Variants in PELI1 observed in about 807,000 individuals in gnomAD.
The protein encoded by PELI1 is E3 ubiquitin-protein ligase pellino homolog 1.
A neutral mutation model predicts 41.3 loss-of-function variants in PELI1; 15 were observed. The ratio of observed to expected loss-of-function variants is 0.36; its 90% CI spans 0.24 to 0.56. The LOEUF (loss-of-function observed/expected upper bound fraction) is 0.56, where lower values mean the gene tolerates loss of function less well. Ranked by LOEUF, PELI1 falls within the 20% of genes least tolerant of loss-of-function variation. The pLI is 0.82. For synonymous variants in PELI1, 178 were observed against 180.1 expected, an observed-to-expected ratio of 0.99 and a Z score of 0.09; for missense variants, 403 against 525.5, an observed-to-expected ratio of 0.77 and a Z score of 2.28.
At chr2:64,110,689 G>T (rs1227508742) in intron 1 of PELI1, among the ~76,000 whole-genome samples, 10 of 152,050 alleles carry the variant, frequency 6.6e-5, no homozygotes, top group Admixed American at 5.9e-4. Flanking sequence ...AGTTCAGAAA[G>T]GCCAAGGTGG....
In PELI1 at chr2:64,094,314, C is replaced by T. The variant is rs1021364850; in HGVS notation, c.*388G>A. ...AATAGAAAAAAGTTAATATACATGT[C>T]GCTGTATTTTACAATGTTTGCAACA... On this transcript the variant is annotated 3_prime_UTR_variant, in exon 7 of 7. Transcript: ENST00000358912. 6 of 166,428 alleles carry T rather than the reference C, an allele frequency of 3.6e-5. No homozygotes were observed. The highest frequency in any genetic ancestry group is 5.8e-5 in the Admixed American group (1 of 17,300). The allele number at this position is 166,428 out of a possible 1,614,324, so 10.3% of individuals were successfully genotyped here. A position where few individuals can be genotyped will look rare whatever the true frequency, so the allele number is the denominator to read the frequency against.
At chr2:64,124,500 G>C (rs1681325904) in intron 1 of PELI1, among the ~76,000 whole-genome samples, 1 of 152,058 alleles carries the variant, frequency 6.6e-6, no homozygotes, top group Non-Finnish European at 1.5e-5. Context: ...CCTACTTCTT[G>C]GCCAGAGAAA....
chr2:64,122,115 C>CA (rs1376873343), intron 1 of PELI1, among the ~76,000 whole-genome samples: 2 of 151,556 alleles, frequency 1.3e-5, no homozygotes, highest in Admixed American at 6.6e-5. Flanking sequence ...CAGTCAAATA[C>CA]AAAAACAAAA....
chr2:64,104,722 A>T lies in PELI1; in HGVS notation c.180T>A (p.Ala60=), dbSNP rs748280058. Residue 60 remains alanine (A), a synonymous_variant, in exon 3 of 7, where the codon GCT becomes GCA. Coordinates refer to ENST00000358912, the MANE Select transcript of PELI1 (RefSeq NM_020651.4). ...TTACCTTTGCAGCCTGAGGAGTACA[A>T]GCAATATGCACAGTGCTGGGCTTCA... ...NGVKPSTVHI[A]CTPQAAKAIS... is the part of the protein sequence containing the mutation. The T allele has an allele frequency of 3.1e-6, 5 of 1,604,994 alleles. No individual in the cohort carries two copies. The highest frequency in any genetic ancestry group is 4.2e-6 in the Non-Finnish European group (5 of 1,176,700).
At chr2:64,102,298 A>G (rs1680467827) in intron 3 of PELI1, among the ~76,000 whole-genome samples, 1 of 152,128 alleles carries the variant, frequency 6.6e-6, no homozygotes, top group South Asian at 2.1e-4. Flanking sequence ...TATATACTAT[A>G]TAATTGTTTT....
At chr2:64,099,228 A>G (rs1680344346) in intron 4 of PELI1, among the ~76,000 whole-genome samples, 1 of 151,996 alleles carries the variant, frequency 6.6e-6, no homozygotes, top group African/African-American at 2.4e-5. Flanking sequence ...ATTTTATTAA[A>G]GAGACGAAGT....
At chr2:64,135,710 T>C (rs146597751) in intron 1 of PELI1, among the ~76,000 whole-genome samples, 2 of 152,312 alleles carry the variant, frequency 1.3e-5, no homozygotes, top group Non-Finnish European at 2.9e-5. Context: ...GCTTAATAGA[T>C]TGAATTTTCA....
chr2:64,131,665 G>A (rs1180780671), intron 1 of PELI1, among the ~76,000 whole-genome samples: 1 of 151,564 alleles, frequency 6.6e-6, no homozygotes, highest in African/African-American at 2.4e-5. Context: ...CCATTGCCCA[G>A]GCTAGAGTGC....
intron 1 of PELI1, among the ~76,000 whole-genome samples, chr2:64,119,277 A>T (rs568440722): frequency 1.3e-5 from 2 of 152,360 alleles, no homozygotes; most frequent in Admixed American, 6.5e-5. Flanking sequence ...TAAATAGAAA[A>T]GATCTGATGA....
chr2:64,096,240 T>C lies in PELI1; in HGVS notation c.575A>G (p.His192Arg), dbSNP rs781241129. The change falls in exon 6 of 7, where the codon CAT (histidine) becomes CGT (arginine). Residue 192 changes from histidine to arginine, a missense_variant. His to Arg is a conservative substitution (Grantham distance 29). Transcript: ENST00000358912. ...GLTTNGVLVM[H>R]PRNGFTEDSK... ...GTCTTCTGTGAACCCATTGCGTGGA[T>C]GCATCACAAGAACACCATTAGTGGT... is the stretch of plus-strand genomic sequence containing the variant. 5 of 1,613,736 alleles carry C rather than the reference T, an allele frequency of 3.1e-6. No homozygotes were observed. The Admixed American group carries it at 8.3e-5, about 27-fold the overall frequency.
intron 1 of PELI1, among the ~76,000 whole-genome samples, chr2:64,136,836 G>A (rs1229291979): frequency 2.0e-5 from 3 of 152,206 alleles, no homozygotes; most frequent in African/African-American, 7.2e-5. Context: ...TCAGGAGGTG[G>A]AGGTTGCAGT....
At chr2:64,139,012 ATT>A (rs1363919719) in intron 1 of PELI1, among the ~76,000 whole-genome samples, 1 of 152,222 alleles carries the variant, frequency 6.6e-6, no homozygotes, top group Non-Finnish European at 1.5e-5. Context: ...CACACATCAC[ATT>A]TTAAGTTGTA....
chr2:64,116,006 T>C (rs892796589), intron 1 of PELI1, among the ~76,000 whole-genome samples: 1 of 152,170 alleles, frequency 6.6e-6, no homozygotes, highest in Admixed American at 6.5e-5. Context: ...TGTGTGCTTA[T>C]TTTAAAAATG....
chr2:64,121,901 G>A (rs1463109874), intron 1 of PELI1, among the ~76,000 whole-genome samples: 2 of 136,390 alleles, frequency 1.5e-5, no homozygotes, highest in African/African-American at 5.5e-5. Flanking sequence ...GCAAAACTCC[G>A]TCTTCAAAAA....
At chr2:64,101,752 T>A (rs970914801) in intron 3 of PELI1, among the ~76,000 whole-genome samples, 1 of 151,928 alleles carries the variant, frequency 6.6e-6, no homozygotes, top group East Asian at 1.9e-4. Context: ...AAATACCCTA[T>A]TTCCAAATAT....
chr2:64,104,985 T>C (rs1038663540), intron 2 of PELI1, among the ~76,000 whole-genome samples, 155 bp from the exon 3 acceptor site: 3 of 152,240 alleles, frequency 2.0e-5, no homozygotes, highest in Non-Finnish European at 2.9e-5. Flanking sequence ...TTGATCTCCA[T>C]ACCAGGTGCC....
Position 64,094,967 on chromosome 2 carries a change from C to A in PELI1, c.992G>T (p.Arg331Leu). 6.2e-7 allele frequency: 1 copy of A among 1,614,208 alleles called. No homozygotes were observed. Among genetic ancestry groups the A allele is most frequent in the Non-Finnish European group, 8.5e-7 (1 of 1,180,030 alleles). Reference protein sequence around the residue: ...GNKEERDGKDRECPMCRSVGP... With the variant: ...GNKEERDGKDLECPMCRSVGP... ...AACAGACCTACACATAGGACATTCA[C>A]GATCTTTTCCATCACGTTCTTCTTT... Residue 331 changes from arginine (R) to leucine (L), a missense_variant, in exon 7 of 7, where the codon CGT (arginine) becomes CTT (leucine). By Grantham distance (102) the Arg-to-Leu change is moderately radical (BLOSUM62 -2). Transcript: ENST00000358912.
chr2:64,095,539 G>T lies in PELI1; in HGVS notation c.691-271C>A, dbSNP rs144635669. The stretch of plus-strand genomic sequence containing the variant: ...TCAATAAGTCTAATATTTTTAATGA[G>T]GTAAATATGGTTTAAGATATACAGA... On this transcript the variant is annotated intron_variant, in intron 6 of 6. Transcript: ENST00000358912. Among the ~76,000 whole-genome samples the T allele has an allele frequency of 4.9e-4, 75 of 152,242 alleles. 1 individual carries two copies. The East Asian group carries it at 0.012, about 25-fold the overall frequency.
chr2:64,099,881 A>C, intron 4 of PELI1, among the ~76,000 whole-genome samples: 1 of 152,232 alleles, frequency 6.6e-6, no homozygotes, highest in East Asian at 1.9e-4. Flanking sequence ...CATGAGTAGC[A>C]TTGACCAAAT....
Sources: allele counts gnomAD v4.1 joint callset (sites outside exome capture counted in the v4.1 genomes callset), GRCh38; gene constraint gnomAD v4.1.1; transcripts MANE v1.5; gene names NCBI Gene and HGNC (gene_info 2026-07-23, HGNC 2026-07-21).